TMEM161B: variants seen among roughly 807,000 people sequenced by gnomAD.
TMEM161B encodes transmembrane protein 161B.
In TMEM161B, 34 loss-of-function variants were observed where a neutral mutation model predicts 61.8. That is an observed-to-expected ratio of 0.55 (90% CI 0.42 to 0.73). TMEM161B has a LOEUF of 0.73. TMEM161B is among the 30% of genes least tolerant of loss of function. The pLI, the probability that TMEM161B is intolerant of heterozygous loss-of-function variation, is 0.00. For missense variants in TMEM161B, 456 were observed against 558.5 expected (o/e 0.82, Z 1.85); for synonymous variants, 167 against 192.8 (o/e 0.87, Z 1.11).
At chr5:88,257,885 T>G (rs1021546199) in intron 1 of TMEM161B, among the ~76,000 whole-genome samples, 9 of 152,196 alleles carry the variant, frequency 5.9e-5, no homozygotes, top group African/African-American at 1.9e-4. Flanking sequence ...AAGAAAGACT[T>G]GTGAATGCCA....
chr5:88,206,619 T>G, intron 6 of TMEM161B, 120 bp from the exon 7 acceptor site: 2 of 996,920 alleles, frequency 2.0e-6, no homozygotes, highest in Non-Finnish European at 2.9e-6. Flanking sequence ...GTGACTAGCT[T>G]AGCTCTTTCA....
At chr5:88,261,401 A>T (rs1755664712) in intron 1 of TMEM161B, among the ~76,000 whole-genome samples, 1 of 152,082 alleles carries the variant, frequency 6.6e-6, no homozygotes. Flanking sequence ...AGGGTATCAA[A>T]AAAAAAGAAA....
chr5:88,227,703 A>G (rs1343048510), intron 3 of TMEM161B, among the ~76,000 whole-genome samples: 1 of 152,194 alleles, frequency 6.6e-6, no homozygotes, highest in Non-Finnish European at 1.5e-5. Context: ...TACATGAGAA[A>G]TATGGTTATA....
intron 1 of TMEM161B, among the ~76,000 whole-genome samples, chr5:88,260,818 G>A (rs1287636725): frequency 6.6e-6 from 1 of 152,130 alleles, no homozygotes; most frequent in African/African-American, 2.4e-5. Context: ...ATTGAAATAA[G>A]ATACTGAGAT....
At chr5:88,225,077 C>T (rs995370677) in intron 4 of TMEM161B, among the ~76,000 whole-genome samples, 1 of 149,806 alleles carries the variant, frequency 6.7e-6, no homozygotes, top group Non-Finnish European at 1.5e-5. Context: ...ACGTCATTCT[C>T]CTGCCTCAGC....
At chr5:88,263,851 A>G (rs972785025) in intron 1 of TMEM161B, among the ~76,000 whole-genome samples, 4 of 152,240 alleles carry the variant, frequency 2.6e-5, no homozygotes, top group African/African-American at 9.6e-5. Context: ...AAGTCAGTCT[A>G]TAACATTTTT....
At chr5:88,265,740 C>A (rs748427234) in intron 1 of TMEM161B, among the ~76,000 whole-genome samples, 1 of 152,182 alleles carries the variant, frequency 6.6e-6, no homozygotes, top group Non-Finnish European at 1.5e-5. Context: ...CCCCTCCACT[C>A]CCCTCAAAAA....
intron 5 of TMEM161B, among the ~76,000 whole-genome samples, chr5:88,208,212 G>A (rs1745922365): frequency 1.3e-5 from 2 of 151,988 alleles, no homozygotes; most frequent in African/African-American, 2.4e-5. Flanking sequence ...TGCCGGGCGT[G>A]GTGGCTCACG....
chr5:88,214,515 A>G (rs541446305), intron 5 of TMEM161B, among the ~76,000 whole-genome samples: 2 of 152,132 alleles, frequency 1.3e-5, no homozygotes, highest in South Asian at 4.1e-4. Flanking sequence ...CCACCAAAGG[A>G]CCTCTGGCTT....
At chr5:88,237,437 A>G (rs1752038056) in intron 2 of TMEM161B, among the ~76,000 whole-genome samples, 1 of 152,106 alleles carries the variant, frequency 6.6e-6, no homozygotes, top group African/African-American at 2.4e-5. Context: ...GATAGCTCAG[A>G]GGATAGCTGA....
chr5:88,228,414 T>G, intron 3 of TMEM161B, 31 bp downstream of exon 3: 5 of 1,437,848 alleles, frequency 3.5e-6, no homozygotes, highest in Non-Finnish European at 4.8e-6. Flanking sequence ...GTGTTAAATA[T>G]TTATTACTTT....
chr5:88,253,069 A>G (rs1211697694), intron 1 of TMEM161B, among the ~76,000 whole-genome samples: 1 of 152,206 alleles, frequency 6.6e-6, no homozygotes, highest in African/African-American at 2.4e-5. Context: ...ACTAGAGGGT[A>G]GAATACTCTC....
intron 9 of TMEM161B, 119 bp from the exon 10 acceptor site, chr5:88,199,269 CAT>C (rs1750273659): frequency 8.4e-6 from 8 of 949,104 alleles, no homozygotes; most frequent in Non-Finnish European, 1.2e-5. Context: ...CAGTTAGACA[CAT>C]AAAAGAATCT....
chr5:88,206,274 A>G, intron 7 of TMEM161B, 165 bp downstream of exon 7: 2 of 628,258 alleles, frequency 3.2e-6, no homozygotes, highest in Non-Finnish European at 5.4e-6. Context: ...TATAAAAGAC[A>G]CTAACTTTAT....
intron 10 of TMEM161B, 95 bp downstream of exon 10, chr5:88,198,881 G>A: frequency 2.0e-6 from 2 of 1,002,792 alleles, no homozygotes; most frequent in Non-Finnish European, 2.9e-6. Flanking sequence ...GAATATGATG[G>A]GTTGAAATAC....
At chr5:88,239,335 G>C (rs1366449325) in intron 2 of TMEM161B, among the ~76,000 whole-genome samples, 1 of 151,920 alleles carries the variant, frequency 6.6e-6, no homozygotes, top group Admixed American at 6.6e-5. Context: ...ACATAGTTTA[G>C]AAACACGCAA....
chr5:88,196,238 G>C lies in TMEM161B; in HGVS notation c.1437C>G (p.Phe479Leu). 3 of 1,612,044 alleles carry C rather than the reference G, an allele frequency of 1.9e-6. No homozygotes were observed. Among genetic ancestry groups the C allele is most frequent in the Non-Finnish European group, 2.5e-6 (3 of 1,179,024 alleles). ...CLFSTSLFGL[F>L]YHQYLTVA is the part of the protein sequence containing the mutation. ...ATGCCACAGTCAGATACTGGTGATA[G>C]AAAAGCCCAAAAAGGCTTGTAGAAA... Residue 479 changes from phenylalanine (F) to leucine (L), a missense_variant, in exon 12 of 12, where the codon TTC (phenylalanine) becomes TTG (leucine). Coordinates refer to ENST00000296595, the MANE Select transcript of TMEM161B (RefSeq NM_153354.5).
At chr5:88,209,767 A>C (rs1746325327) in intron 5 of TMEM161B, among the ~76,000 whole-genome samples, 1 of 152,162 alleles carries the variant, frequency 6.6e-6, no homozygotes, top group African/African-American at 2.4e-5. Flanking sequence ...GCTTTCATTC[A>C]ATAGTCCCCA....
At chr5:88,203,768 T>TG (rs1440270392) in intron 8 of TMEM161B, among the ~76,000 whole-genome samples, 1 of 4,076 alleles carries the variant, frequency 2.5e-4, no homozygotes, top group South Asian at 6.2e-3. Context: ...TATATATATA[T>TG]ATATATATAT....
Sources: allele counts gnomAD v4.1 joint callset (sites outside exome capture counted in the v4.1 genomes callset), GRCh38; gene constraint gnomAD v4.1.1; transcripts MANE v1.5; gene names NCBI Gene and HGNC (gene_info 2026-07-23, HGNC 2026-07-21).